The following SEMA3A variants were observed in gnomAD, a reference collection of about 807,000 sequenced individuals.
SEMA3A encodes semaphorin-3A.
A neutral mutation model predicts 97.9 loss-of-function variants in SEMA3A; 29 were observed. That is an observed-to-expected ratio of 0.30 (90% CI 0.22 to 0.40). The LOEUF is 0.40. Among genes scored for constraint, SEMA3A ranks in the 10% least tolerant of loss-of-function variants. The pLI is 1.00. For synonymous variants in SEMA3A, 321 were observed against 323.7 expected (o/e 0.99, Z 0.09); for missense variants, 763 against 951.3 (o/e 0.80, Z 2.60).
intron 2 of SEMA3A, among the ~76,000 whole-genome samples, chr7:84,356,934 A>T (rs373999376): frequency 2.0e-5 from 3 of 151,746 alleles, no homozygotes; most frequent in South Asian, 2.1e-4. Flanking sequence ...CTAGGTTCTA[A>T]AATTCCACTT....
chr7:84,135,693 C>T (rs1038470757), intron 1 of SEMA3A, among the ~76,000 whole-genome samples: 1 of 152,048 alleles, frequency 6.6e-6, no homozygotes, highest in Non-Finnish European at 1.5e-5. Flanking sequence ...CCGGTTTAAC[C>T]TCTTAGGTTC....
chr7:84,061,684 GA>G (rs1344785254), intron 4 of SEMA3A, among the ~76,000 whole-genome samples: 1 of 151,818 alleles, frequency 6.6e-6, no homozygotes, highest in African/African-American at 2.4e-5. Flanking sequence ...ATTTCTGATG[GA>G]ACTAATGGCA....
intron 2 of SEMA3A, among the ~76,000 whole-genome samples, chr7:84,319,042 A>T (rs551693547): frequency 6.6e-6 from 1 of 152,352 alleles, no homozygotes; most frequent in South Asian, 2.1e-4. Context: ...TAATTCAAGG[A>T]CTGTTCAAAA....
chr7:84,175,833 C>T (rs1054562926), intron 1 of SEMA3A, among the ~76,000 whole-genome samples: 1 of 152,018 alleles, frequency 6.6e-6, no homozygotes, highest in African/African-American at 2.4e-5. Context: ...AAGCTGGGTA[C>T]GTGAATCCTA....
intron 1 of SEMA3A, among the ~76,000 whole-genome samples, chr7:84,186,927 T>C (rs556902697): frequency 5.9e-5 from 9 of 152,310 alleles, no homozygotes; most frequent in Admixed American, 2.6e-4. Flanking sequence ...GTTCACACTT[T>C]AGCAAATATT....
chr7:84,186,416 A>G (rs926052852), intron 1 of SEMA3A, among the ~76,000 whole-genome samples: 1 of 152,186 alleles, frequency 6.6e-6, no homozygotes, highest in African/African-American at 2.4e-5. Context: ...ACTTATGAAA[A>G]CGTACTTTCA....
chr7:83,965,873 G>A (rs1250283799), intron 15 of SEMA3A, among the ~76,000 whole-genome samples: 1 of 149,300 alleles, frequency 6.7e-6, no homozygotes, highest in African/African-American at 2.5e-5. Context: ...TAGAGGCAGG[G>A]TTTCAACGTG....
At chr7:83,974,725 A>AT (rs1413309814) in intron 15 of SEMA3A, among the ~76,000 whole-genome samples, 1 of 152,094 alleles carries the variant, frequency 6.6e-6, no homozygotes, top group East Asian at 1.9e-4. Context: ...GTTTCCAAAT[A>AT]TTTGAAATTT....
At chr7:84,397,833 T>C (rs1345345639) in intron 1 of SEMA3A, among the ~76,000 whole-genome samples, 1 of 152,156 alleles carries the variant, frequency 6.6e-6, no homozygotes, top group Non-Finnish European at 1.5e-5. Context: ...TTTCCTTATA[T>C]GTTTTGACAT....
intron 2 of SEMA3A, among the ~76,000 whole-genome samples, chr7:84,367,889 G>T (rs975357215): frequency 1.3e-5 from 2 of 151,220 alleles, no homozygotes; most frequent in East Asian, 3.9e-4. Flanking sequence ...TTATCTAAAA[G>T]AATCTTGAAG....
In SEMA3A at chr7:83,983,597, T is replaced by G. The variant is rs948303701; in HGVS notation, c.1494+1839A>C. 8.5e-5 allele frequency among the ~76,000 whole-genome samples: 13 copies of G among 152,122 alleles called. 1 individual carries two copies. The highest frequency in any genetic ancestry group is 6.6e-4 in the Admixed American group (10 of 15,250). On this transcript the variant is annotated intron_variant, in intron 13 of 16. Transcript: ENST00000265362. ...ACCAAAATATAGCAGCTGAAATTAT[T>G]ATGATGAAAACCTGAACTGTGATAA...
At chr7:83,992,618 G>A (rs2116355420) in intron 12 of SEMA3A, among the ~76,000 whole-genome samples, 2 of 151,930 alleles carry the variant, frequency 1.3e-5, no homozygotes, top group South Asian at 4.2e-4. Flanking sequence ...TTTCCATGTA[G>A]TTGAGTGGTT....
chr7:84,479,644 G>A (rs1025212393), intron 1 of SEMA3A, among the ~76,000 whole-genome samples: 1 of 152,098 alleles, frequency 6.6e-6, no homozygotes. Flanking sequence ...AGAAAATCGG[G>A]AAGGATATTT....
chr7:84,386,891 T>C (rs1176348922), intron 1 of SEMA3A, among the ~76,000 whole-genome samples: 1 of 151,868 alleles, frequency 6.6e-6, no homozygotes, highest in African/African-American at 2.4e-5. Flanking sequence ...TCCCAGCTAC[T>C]AGGGAGGCTG....
intron 1 of SEMA3A, among the ~76,000 whole-genome samples, chr7:84,146,381 A>C (rs1431263511): frequency 2.6e-5 from 4 of 152,152 alleles, no homozygotes; most frequent in Non-Finnish European, 5.9e-5. Flanking sequence ...TCAGATTTAA[A>C]TATAGGTCTC....
chr7:84,364,913 T>G (rs1802808550), intron 2 of SEMA3A, among the ~76,000 whole-genome samples: 1 of 150,982 alleles, frequency 6.6e-6, no homozygotes, highest in Admixed American at 6.6e-5. Flanking sequence ...ATGAGAGCAG[T>G]TAAAAACACA....
chr7:84,165,918 A>G (rs1043917385), intron 1 of SEMA3A, among the ~76,000 whole-genome samples: 27 of 152,082 alleles, frequency 1.8e-4, no homozygotes, highest in African/African-American at 6.3e-4. Context: ...ACTAAACATG[A>G]GTATGTATAT....
chr7:84,090,833 G>A (rs951672255), intron 4 of SEMA3A, among the ~76,000 whole-genome samples: 2 of 151,860 alleles, frequency 1.3e-5, no homozygotes, highest in African/African-American at 2.4e-5. Context: ...TTGAGAGGCC[G>A]AGGCAGGTGG....
chr7:84,335,927 G>A (rs370927719), intron 2 of SEMA3A, among the ~76,000 whole-genome samples: 26 of 151,892 alleles, frequency 1.7e-4, no homozygotes, highest in African/African-American at 6.3e-4. Context: ...GCTATTTTAC[G>A]TGTTTTTTTC....
Sources: gnomAD v4.1 joint callset for allele counts (sites outside exome capture counted in the v4.1 genomes callset) on GRCh38, gnomAD v4.1.1 for gene constraint, MANE v1.5 for transcripts, NCBI Gene and HGNC (gene_info 2026-07-23, HGNC 2026-07-21) for gene names.